Variants in EVC2 observed in about 807,000 individuals in gnomAD.
EVC2 encodes the protein EvC ciliary complex subunit 2.
A neutral mutation model predicts 149.3 loss-of-function variants in EVC2; 148 were observed. The ratio of observed to expected loss-of-function variants is 0.99; its 90% confidence interval spans 0.87 to 1.14. EVC2 has a LOEUF of 1.14. Among genes scored for constraint, EVC2 ranks in the 50% most tolerant of loss-of-function variants. The pLI is 0.00. For synonymous variants in EVC2, 776 were observed against 649.9 expected (o/e 1.19, Z -2.95); for missense variants, 1,854 against 1,627.3 (o/e 1.14, Z -2.40).
At position 5,576,024 on chromosome 4, in the gene EVC2, T is replaced by C. The variant is rs1410311189; in HGVS notation, c.3272+216A>G. ...ATAAAAAGTTTAAAAATATTACGTT[T>C]GGTAAAACTTCAATGATATTAAATT... On this transcript the variant is annotated intron_variant, in intron 18 of 21. Coordinates refer to ENST00000344408, the MANE Select transcript of EVC2 (RefSeq NM_147127.5). This position sits in a 1 kb window ranked among gnomAD's most constrained non-coding sequence, Gnocchi z 4.5. 6.6e-6 allele frequency among the ~76,000 whole-genome samples: 1 copy of C among 152,188 alleles called. No individual in the cohort carries two copies. The highest frequency in any genetic ancestry group is 1.5e-5 in the Non-Finnish European group (1 of 68,034).
At chr4:5,568,005 C>A (rs1049475565) in intron 20 of EVC2, among the ~76,000 whole-genome samples, 2 of 152,168 alleles carry the variant, frequency 1.3e-5, no homozygotes, top group Non-Finnish European at 2.9e-5. Context: ...GTATCCACAG[C>A]GTGCTCACTC....
chr4:5,540,895 C>A (rs112019922), downstream of EVC2, among the ~76,000 whole-genome samples: 2 of 152,144 alleles, frequency 1.3e-5, no homozygotes, highest in African/African-American at 4.8e-5. Flanking sequence ...AATTCTAAAA[C>A]GTGGACACCA....
chr4:5,559,606 A>G (rs1721902883), downstream of EVC2, among the ~76,000 whole-genome samples: 1 of 152,210 alleles, frequency 6.6e-6, no homozygotes, highest in African/African-American at 2.4e-5. This position sits in a 1 kb window ranked among gnomAD's most constrained non-coding sequence, Gnocchi z 5.0. Flanking sequence ...CTAGTGCCAG[A>G]AAATAAGGAA....
rs776164794 is a variant in EVC2, at chr4:5,628,679, C to G, written c.1766G>C (p.Ser589Thr). ...FFQASKRYHL[S>T]KRFGHREYLV... ...ATATTCCCTGTGGCCAAATCTTTTA[C>G]TTAGATGATACCTCTTACTAGCCTG... The change falls in exon 12 of 22, where the codon AGT becomes ACT. Residue 589 changes from serine to threonine, a missense_variant. Ser to Thr is a moderately conservative substitution (Grantham distance 58). Coordinates refer to ENST00000344408, the MANE Select transcript of EVC2 (RefSeq NM_147127.5). 3 of 1,613,802 alleles carry G rather than the reference C, an allele frequency of 1.9e-6. No homozygotes were observed. The Admixed American group carries it at 5.0e-5, about 27-fold the overall frequency.
chr4:5,620,497 GTT>G (rs1203427784), intron 14 of EVC2, among the ~76,000 whole-genome samples: 2 of 152,164 alleles, frequency 1.3e-5, no homozygotes, highest in African/African-American at 4.8e-5. Context: ...TAGCCAACCA[GTT>G]TTATAGTAAC....
At chr4:5,537,225 G>A in the EVC2 span, among the ~76,000 whole-genome samples, 1 of 152,208 alleles carries the variant, frequency 6.6e-6, no homozygotes, top group Non-Finnish European at 1.5e-5. Flanking sequence ...GGGAGTTCAA[G>A]AGATTGCAGG....
the EVC2 span, among the ~76,000 whole-genome samples, chr4:5,530,351 C>G: frequency 6.6e-6 from 1 of 152,166 alleles, no homozygotes; most frequent in Non-Finnish European, 1.5e-5. Flanking sequence ...ATGAACCTTT[C>G]CACGAAATTG....
chr4:5,603,121 A>T (rs945167239), intron 16 of EVC2, among the ~76,000 whole-genome samples: 17 of 152,360 alleles, frequency 1.1e-4, no homozygotes, highest in Admixed American at 8.5e-4. Flanking sequence ...AATTAAAACC[A>T]TCCAAAGATA....
Position 5,708,458 on chromosome 4 carries a change from A to G in EVC2, c.56T>C (p.Leu19Pro). The G allele has an allele frequency of 6.6e-7, 1 of 1,507,058 alleles. No homozygotes were observed. The highest frequency in any genetic ancestry group is 8.8e-7 in the Non-Finnish European group (1 of 1,135,440). The allele number at this position is 1,507,058 out of a possible 1,614,324, so 93.4% of individuals were successfully genotyped here. A position where few individuals can be genotyped will look rare whatever the true frequency, so the allele number is the denominator to read the frequency against. The change falls in exon 1 of 22, where the codon CTG becomes CCG. Residue 19 changes from leucine to proline, a missense_variant. Leu to Pro is a moderately conservative substitution (Grantham distance 98). Transcript: ENST00000344408. Reference sequence around the variant, plus strand: ...GCCCCCCAGCGCCAGGGCCACTGCCAGGAGACCCCCGGCCAGCACCCACGT... The same window carrying G: ...GCCCCCCAGCGCCAGGGCCACTGCCGGGAGACCCCCGGCCAGCACCCACGT... ...RPTWVLAGGL[L>P]AVALALGGRG... is the part of the protein sequence containing the mutation.
intron 9 of EVC2, among the ~76,000 whole-genome samples, chr4:5,654,175 C>T (rs149306247): frequency 0.058 from 8,749 of 152,014 alleles, 360 homozygotes; most frequent in Middle Eastern, 0.12. Flanking sequence ...GATTGTGCCA[C>T]GGCACTCCAG....
At chr4:5,546,630 G>T (rs931449844) in intron 21 of EVC2, among the ~76,000 whole-genome samples, 1 of 152,012 alleles carries the variant, frequency 6.6e-6, no homozygotes, top group Admixed American at 6.5e-5. Flanking sequence ...ACGAGTTAGT[G>T]GGTGCAGCAC....
intron 16 of EVC2, among the ~76,000 whole-genome samples, chr4:5,610,695 G>T (rs911709720): frequency 6.6e-6 from 1 of 152,002 alleles, no homozygotes; most frequent in African/African-American, 2.4e-5. Flanking sequence ...TCACCTCCCA[G>T]GCTCACCTGC....
chr4:5,572,504 C>T (rs2057093477), intron 19 of EVC2, among the ~76,000 whole-genome samples: 1 of 152,180 alleles, frequency 6.6e-6, no homozygotes, highest in Non-Finnish European at 1.5e-5. Context: ...CTTTCCTGTC[C>T]TCCAAAGGAT....
intron 16 of EVC2, among the ~76,000 whole-genome samples, chr4:5,597,022 C>T (rs114454072): frequency 0.13 from 19,727 of 152,106 alleles, 2,822 homozygotes; most frequent in African/African-American, 0.35. Context: ...CAGGAAGAAG[C>T]TGAAATCTCG....
chr4:5,647,745 C>G (rs1717828120), intron 9 of EVC2, among the ~76,000 whole-genome samples: 1 of 152,160 alleles, frequency 6.6e-6, no homozygotes, highest in African/African-American at 2.4e-5. Context: ...AGCCTAATCC[C>G]CAGAACTGCA....
At chr4:5,688,489 G>C (rs1407059555) in intron 5 of EVC2, among the ~76,000 whole-genome samples, 4 of 152,162 alleles carry the variant, frequency 2.6e-5, no homozygotes, top group African/African-American at 9.7e-5. Flanking sequence ...AAGAATAAAA[G>C]ATGTCTTTGC....
At position 5,654,262 on chromosome 4, in the gene EVC2, GGAGGCCTGGAGT is replaced by G. The variant is rs555872513; in HGVS notation, c.1145+8833_1145+8844del. Among the ~76,000 whole-genome samples the G allele has an allele frequency of 3.6e-3, 543 of 152,292 alleles. 2 individuals carry two copies. The highest frequency in any genetic ancestry group is 6.0e-3 in the Non-Finnish European group (410 of 68,022). ...GCCTATATATCCTATAGGGAGAAGA[GGAGGCCTGGAGT>G]GAGGCCTGGAGTCAGCCCTGGAGTC... On this transcript the variant is annotated intron_variant, in intron 9 of 21. Transcript: ENST00000344408.
At chr4:5,660,881 C>T (rs1718834134) in intron 9 of EVC2, among the ~76,000 whole-genome samples, 1 of 152,216 alleles carries the variant, frequency 6.6e-6, no homozygotes, top group Non-Finnish European at 1.5e-5. Flanking sequence ...GTAAACCTCT[C>T]AGCCTAGCTG....
At chr4:5,540,154 A>T (rs1721489148), downstream of EVC2, among the ~76,000 whole-genome samples, 1 of 152,242 alleles carries the variant, frequency 6.6e-6, no homozygotes, top group African/African-American at 2.4e-5. Flanking sequence ...GACTATTAGC[A>T]TAAGTAAAAT....
Sources: gnomAD v4.1 joint callset for allele counts (sites outside exome capture counted in the v4.1 genomes callset) on GRCh38, gnomAD v4.1.1 for gene constraint, Gnocchi (gnomAD v3.1) non-coding constraint, MANE v1.5 for transcripts, NCBI Gene and HGNC (gene_info 2026-07-23, HGNC 2026-07-21) for gene names.